ITPR2: variants seen among roughly 807,000 people sequenced by gnomAD.
ITPR2 encodes inositol 1,4,5-trisphosphate receptor type 2, also known as inositol 1,4,5-trisphosphate-gated calcium channel ITPR2.
Under a neutral mutation model 317.1 loss-of-function variants are expected in ITPR2, and 207 were observed. That is an observed-to-expected ratio of 0.65 (90% CI 0.58 to 0.73). The LOEUF (loss-of-function observed/expected upper bound fraction) is 0.73, where lower values mean the gene tolerates loss of function less well. Ranked by LOEUF, ITPR2 falls within the 30% of genes least tolerant of loss-of-function variation. The probability of loss-of-function intolerance (pLI) is 0.00; values close to 1 mark genes in which losing one functional copy is unlikely to be tolerated. For missense variants in ITPR2, 2,613 were observed against 3,284.0 expected, an observed-to-expected ratio of 0.80 and a Z score of 4.99; for synonymous variants, 1,156 against 1,149.1, an observed-to-expected ratio of 1.01 and a Z score of -0.12.
chr12:26,426,553 T>C (rs1425569338), intron 49 of ITPR2, among the ~76,000 whole-genome samples: 5 of 152,156 alleles, frequency 3.3e-5, no homozygotes, highest in Non-Finnish European at 7.4e-5. Context: ...TACAGAATAA[T>C]ATATTTGGTA....
chr12:26,786,767 C>T (rs1950259914), intron 2 of ITPR2, among the ~76,000 whole-genome samples: 1 of 152,172 alleles, frequency 6.6e-6, no homozygotes, highest in South Asian at 2.1e-4. Context: ...TGTTATGATT[C>T]ACTTGAACAA....
intron 37 of ITPR2, among the ~76,000 whole-genome samples, chr12:26,519,226 C>G (rs939202021): frequency 1.3e-5 from 2 of 152,092 alleles, no homozygotes; most frequent in Non-Finnish European, 2.9e-5. Context: ...ATAAATAAAA[C>G]CTACAATATT....
intron 54 of ITPR2, among the ~76,000 whole-genome samples, chr12:26,395,023 G>C (rs1939952626): frequency 6.6e-6 from 1 of 152,132 alleles, no homozygotes; most frequent in African/African-American, 2.4e-5. Flanking sequence ...CTTCAGACAT[G>C]GCCGGTTTGG....
chr12:26,790,095 G>T, intron 2 of ITPR2, 62 bp downstream of exon 2: 1 of 1,057,422 alleles, frequency 9.5e-7, no homozygotes, highest in Non-Finnish European at 1.5e-6. Context: ...TACTTACTTT[G>T]AGACATAAAA....
intron 39 of ITPR2, among the ~76,000 whole-genome samples, chr12:26,488,164 T>C (rs1354154088): frequency 6.6e-6 from 1 of 152,104 alleles, no homozygotes; most frequent in Non-Finnish European, 1.5e-5. Context: ...ACCAAGATTA[T>C]GAGATAGATA....
chr12:26,519,745 G>A (rs1006028569), intron 37 of ITPR2, among the ~76,000 whole-genome samples: 3 of 152,100 alleles, frequency 2.0e-5, no homozygotes, highest in South Asian at 2.1e-4. Context: ...TCCTGTGAAC[G>A]CCAAAGACAA....
intron 55 of ITPR2, among the ~76,000 whole-genome samples, chr12:26,385,612 A>G (rs760205272): frequency 3.9e-5 from 6 of 152,168 alleles, no homozygotes; most frequent in African/African-American, 7.2e-5. Flanking sequence ...TCAAAGTTCC[A>G]ATCTACAGTT....
chr12:26,347,788 T>C (rs946107888), intron 55 of ITPR2, among the ~76,000 whole-genome samples: 1 of 152,192 alleles, frequency 6.6e-6, no homozygotes, highest in Non-Finnish European at 1.5e-5. Flanking sequence ...ACACAAACCC[T>C]CTAGGTATGG....
At chr12:26,398,756 T>A in intron 54 of ITPR2, 120 bp downstream of exon 54, 1 of 815,036 alleles carries the variant, frequency 1.2e-6, no homozygotes, top group East Asian at 2.8e-5. Context: ...AATCTGAATT[T>A]TATCCAACCT....
In ITPR2 at chr12:26,667,364, C is replaced by T. The variant is rs551570442; in HGVS notation, c.1410-1313G>A. ...ACCCAGAGAAATTTCAGTATACTTC[C>T]AGGGATCATAAACTCCATTCCAAAA... On this transcript the variant is annotated intron_variant, in intron 13 of 56. Coordinates refer to ENST00000381340, the MANE Select transcript of ITPR2 (RefSeq NM_002223.4). Among the ~76,000 whole-genome samples the T allele has an allele frequency of 2.2e-4, 33 of 152,288 alleles. No individual in the cohort carries two copies. In the South Asian group the frequency reaches 6.8e-3, roughly 32 times the overall value.
In ITPR2 at chr12:26,580,159, G is replaced by C; in HGVS notation, c.4381-4C>G. ...TGTCTGTAGTTGTGTTGCAAACCTG[G>C]AGAGAAAATAAAACAACTCAATATG... On this transcript the variant is annotated splice_region_variant and splice_polypyrimidine_tract_variant and intron_variant, in intron 32 of 56. Coordinates refer to ENST00000381340, the MANE Select transcript of ITPR2 (RefSeq NM_002223.4). 2.5e-6 allele frequency: 4 copies of C among 1,608,468 alleles called. No individual in the cohort carries two copies. The South Asian group carries it at 3.3e-5, about 13-fold the overall frequency.
chr12:26,436,304 C>A lies in ITPR2; in HGVS notation c.6686G>T (p.Trp2229Leu). ...AGCCAGGTTGAAGGAAATGCTCCCC[C>A]AGAGAGAGATGTGCCTCGAGAACCA... ...LFWFSRHISL[W>L]GSISFNLAVF... Residue 2229 changes from tryptophan to leucine, a missense_variant, in exon 48 of 57, where the codon TGG becomes TTG. Transcript: ENST00000381340. 3 of 1,613,244 alleles carry A rather than the reference C, an allele frequency of 1.9e-6. No homozygotes were observed. Among genetic ancestry groups the A allele is most frequent in the Non-Finnish European group, 2.5e-6 (3 of 1,179,574 alleles).
chr12:26,368,973 G>T (rs921763186), intron 55 of ITPR2, among the ~76,000 whole-genome samples: 2 of 152,164 alleles, frequency 1.3e-5, no homozygotes, highest in Admixed American at 1.3e-4. Context: ...CTTTAGAAAA[G>T]GTGACCAGAG....
At position 26,479,646 on chromosome 12, in the gene ITPR2, T is replaced by C. The variant is rs115317541; in HGVS notation, c.6123+1485A>G. 6.5e-3 allele frequency among the ~76,000 whole-genome samples: 989 copies of C among 152,334 alleles called. 18 individuals are homozygous for C. The highest frequency in any genetic ancestry group is 0.023 in the African/African-American group (944 of 41,568). ...TAGGCTGGTTTCATTAACTGAAACA[T>C]GATGGTAATGAATCGAGGGGCACAA... On this transcript the variant is annotated intron_variant, in intron 43 of 56. Transcript: ENST00000381340.
At chr12:26,512,891 C>T (rs1041233779) in intron 37 of ITPR2, among the ~76,000 whole-genome samples, 5 of 147,954 alleles carry the variant, frequency 3.4e-5, no homozygotes, top group Non-Finnish European at 5.9e-5. Context: ...GGCGCGATTT[C>T]GGCTCACCAC....
intron 9 of ITPR2, among the ~76,000 whole-genome samples, chr12:26,704,687 C>G (rs536228166): frequency 3.0e-4 from 46 of 152,302 alleles, no homozygotes; most frequent in African/African-American, 1.0e-3. Flanking sequence ...TTGCATACCT[C>G]TCATGTACAA....
chr12:26,586,390 G>T (rs550996714), intron 32 of ITPR2, among the ~76,000 whole-genome samples: 2 of 152,188 alleles, frequency 1.3e-5, no homozygotes, highest in Non-Finnish European at 2.9e-5. Context: ...CCCTGAACTG[G>T]GCCTCCCAAA....
chr12:26,498,649 A>T (rs1423661739), intron 37 of ITPR2, among the ~76,000 whole-genome samples: 1 of 151,950 alleles, frequency 6.6e-6, no homozygotes, highest in East Asian at 1.9e-4. Flanking sequence ...CAGACCACTC[A>T]CTCTAACCCT....
intron 5 of ITPR2, among the ~76,000 whole-genome samples, chr12:26,720,230 A>T (rs1352903592): frequency 6.6e-6 from 1 of 152,204 alleles, no homozygotes; most frequent in Non-Finnish European, 1.5e-5. Flanking sequence ...GACTATCGTC[A>T]GCCTATTTAT....
Sources: allele counts gnomAD v4.1 joint callset (sites outside exome capture counted in the v4.1 genomes callset), GRCh38; gene constraint gnomAD v4.1.1; transcripts MANE v1.5; gene names NCBI Gene and HGNC (gene_info 2026-07-23, HGNC 2026-07-21).